PKNOX2: variants seen among roughly 807,000 people sequenced by gnomAD.
PKNOX2 encodes the protein homeobox protein PKNOX2.
A neutral mutation model predicts 53.1 loss-of-function variants in PKNOX2; 14 were observed. The observed-to-expected ratio is 0.26, with a 90% CI of 0.17 to 0.41. The LOEUF is 0.41. PKNOX2 is among the 10% of genes least tolerant of loss of function. The pLI, the probability that PKNOX2 is intolerant of heterozygous loss-of-function variation, is 1.00. For missense variants in PKNOX2, 496 were observed against 602.8 expected, an observed-to-expected ratio of 0.82 and a Z score of 1.85; for synonymous variants, 257 against 242.8, an observed-to-expected ratio of 1.06 and a Z score of -0.54.
At chr11:125,340,200 T>A (rs1366882915) in intron 3 of PKNOX2, among the ~76,000 whole-genome samples, 1 of 152,200 alleles carries the variant, frequency 6.6e-6, no homozygotes, top group Non-Finnish European at 1.5e-5. Flanking sequence ...CATTAACTGA[T>A]GTACAAAAGC....
chr11:125,197,264 G>T (rs939014237), intron 1 of PKNOX2, among the ~76,000 whole-genome samples: 2 of 152,166 alleles, frequency 1.3e-5, no homozygotes, highest in African/African-American at 2.4e-5. Context: ...ATTTCTTAAT[G>T]AATTCAGCCA....
At chr11:125,311,373 C>T (rs868507311) in intron 2 of PKNOX2, among the ~76,000 whole-genome samples, 4 of 152,116 alleles carry the variant, frequency 2.6e-5, no homozygotes, top group African/African-American at 7.2e-5. Context: ...CTAGATACTG[C>T]GAGCGATACA....
intron 8 of PKNOX2, 76 bp downstream of exon 8, chr11:125,410,401 G>T: frequency 1.3e-6 from 2 of 1,587,118 alleles, no homozygotes; most frequent in Non-Finnish European, 8.6e-7. Context: ...GCGGTTCCAG[G>T]GGTGGGGGTT....
chr11:125,204,272 A>G (rs527919688), intron 1 of PKNOX2, among the ~76,000 whole-genome samples: 1 of 152,280 alleles, frequency 6.6e-6, no homozygotes, highest in East Asian at 1.9e-4. Context: ...AGAAGGGGTG[A>G]TTAAAGCTGT....
chr11:125,383,096 C>G (rs1379253435), intron 5 of PKNOX2, among the ~76,000 whole-genome samples: 4 of 152,158 alleles, frequency 2.6e-5, no homozygotes, highest in African/African-American at 9.7e-5. Flanking sequence ...CCCCCACCAC[C>G]CCTGAGTCTG....
chr11:125,235,520 T>G (rs1942602776), intron 2 of PKNOX2, among the ~76,000 whole-genome samples: 1 of 152,230 alleles, frequency 6.6e-6, no homozygotes, highest in Non-Finnish European at 1.5e-5. Context: ...CTGCACTTGC[T>G]TTTACATCTG....
chr11:125,296,668 G>A (rs1026428956), intron 2 of PKNOX2, among the ~76,000 whole-genome samples: 14 of 151,996 alleles, frequency 9.2e-5, no homozygotes, highest in African/African-American at 3.1e-4. Context: ...ACAGAGTCTC[G>A]CTCTGTTGCC....
intron 2 of PKNOX2, among the ~76,000 whole-genome samples, chr11:125,323,906 T>C (rs1182699331): frequency 1.3e-5 from 2 of 152,104 alleles, no homozygotes; most frequent in East Asian, 3.9e-4. Flanking sequence ...ACTGTGTAGA[T>C]CAATGTGTGT....
chr11:125,335,541 C>G (rs1950392325), intron 3 of PKNOX2, among the ~76,000 whole-genome samples: 1 of 152,202 alleles, frequency 6.6e-6, no homozygotes, highest in Admixed American at 6.5e-5. Context: ...AGCTGTTCAT[C>G]TCTTGTGCAG....
intron 10 of PKNOX2, among the ~76,000 whole-genome samples, chr11:125,426,913 T>A (rs1270367762): frequency 1.3e-5 from 2 of 152,176 alleles, no homozygotes. Context: ...GAGGCTGTGA[T>A]CTGTGGCAGG....
chr11:125,313,811 C>T (rs1439868930), intron 2 of PKNOX2, among the ~76,000 whole-genome samples: 1 of 152,198 alleles, frequency 6.6e-6, no homozygotes, highest in Non-Finnish European at 1.5e-5. Flanking sequence ...GAGCCAAGTG[C>T]TCAGTAGCCA....
At chr11:125,387,045 G>A (rs181876914) in intron 6 of PKNOX2, among the ~76,000 whole-genome samples, 1 of 152,288 alleles carries the variant, frequency 6.6e-6, no homozygotes, top group Admixed American at 6.5e-5. Flanking sequence ...CCCTGGCTGG[G>A]ATTGGCAGCC....
rs757601656 is a variant in PKNOX2, at chr11:125,234,071, C to T, written c.-200-974C>T. Among the ~76,000 whole-genome samples, 22 of 151,928 alleles carry T rather than the reference C, an allele frequency of 1.4e-4. 1 individual carries two copies. The highest frequency in any genetic ancestry group is 3.9e-4 in the Admixed American group (6 of 15,280). On this transcript the variant is annotated intron_variant, in intron 1 of 12. Coordinates refer to ENST00000298282, the MANE Select transcript of PKNOX2 (RefSeq NM_001382323.2). ...CCCTTGGCCCTTGCTTGGATAGCCC[C>T]CGTCTTTGGAATGCCTTCTCCTCCC... is the stretch of plus-strand genomic sequence containing the variant.
At chr11:125,392,810 C>T (rs12793194) in intron 6 of PKNOX2, among the ~76,000 whole-genome samples, 3,607 of 151,858 alleles carry the variant, frequency 0.024, 66 homozygotes, top group Non-Finnish European at 0.035. Flanking sequence ...AAAGAAGGAA[C>T]GGGGAAGGGA....
At chr11:125,382,583 G>A (rs56061092) in intron 5 of PKNOX2, among the ~76,000 whole-genome samples, 10,648 of 152,210 alleles carry the variant, frequency 0.07, 765 homozygotes, top group Admixed American at 0.23. Context: ...TTCATAAGGC[G>A]CAATAATTCA....
At chr11:125,182,253 G>T (rs574048951) in intron 1 of PKNOX2, among the ~76,000 whole-genome samples, 2 of 152,152 alleles carry the variant, frequency 1.3e-5, no homozygotes, top group Non-Finnish European at 2.9e-5. Flanking sequence ...CAGGCAGTTG[G>T]TTGCCCTGTG....
At chr11:125,242,830 G>A (rs958570246) in intron 2 of PKNOX2, among the ~76,000 whole-genome samples, 4 of 151,994 alleles carry the variant, frequency 2.6e-5, no homozygotes, top group Non-Finnish European at 5.9e-5. Context: ...TCATCCTCAC[G>A]TCCCCATCAT....
chr11:125,422,441 A>T lies in PKNOX2; in HGVS notation c.937-6571A>T, dbSNP rs1956218194. Among the ~76,000 whole-genome samples, 1 of 152,080 alleles carries T rather than the reference A, an allele frequency of 6.6e-6. No homozygotes were observed. The highest frequency in any genetic ancestry group is 2.4e-5 in the African/African-American group (1 of 41,402). On this transcript the variant is annotated intron_variant, in intron 10 of 12. Transcript: ENST00000298282. This position sits in a 1 kb window ranked among gnomAD's most constrained non-coding sequence, Gnocchi z 4.1. ...CATCCTTCGCTGTAGGGATCTAGAG[A>T]GAAGCTGCCCTCCAACTCCCCAGGA...
intron 1 of PKNOX2, among the ~76,000 whole-genome samples, chr11:125,212,633 G>A (rs1940005589): frequency 6.6e-6 from 1 of 151,768 alleles, no homozygotes; most frequent in Non-Finnish European, 1.5e-5. Context: ...AGAGAGGGAA[G>A]AGAGGAGAGG....
Sources: allele counts gnomAD v4.1 joint callset (sites outside exome capture counted in the v4.1 genomes callset), GRCh38; gene constraint gnomAD v4.1.1; non-coding constraint Gnocchi (gnomAD v3.1); transcripts MANE v1.5; gene names NCBI Gene and HGNC (gene_info 2026-07-23, HGNC 2026-07-21).